SFMBT2: variants seen among roughly 807,000 people sequenced by gnomAD.
SFMBT2 encodes the protein scm-like with four MBT domains protein 2.
In SFMBT2, 38 loss-of-function variants were observed where a neutral mutation model predicts 110.1. That is an observed-to-expected ratio of 0.35 (90% CI 0.27 to 0.45). The LOEUF is 0.45. Ranked by LOEUF, SFMBT2 falls within the 20% of genes least tolerant of loss-of-function variation. The pLI is 1.00. For synonymous variants in SFMBT2, 425 were observed against 425.4 expected, an observed-to-expected ratio of 1.00 and a Z score of 0.01; for missense variants, 1,011 against 1,094.9, an observed-to-expected ratio of 0.92 and a Z score of 1.08.
chr10:7,210,045 TCA>T (rs1186183701), intron 11 of SFMBT2, among the ~76,000 whole-genome samples: 1 of 152,244 alleles, frequency 6.6e-6, no homozygotes, highest in African/African-American at 2.4e-5. Flanking sequence ...CTTTCCGTAC[TCA>T]CAATCTAAAT....
rs867380701 is a variant in SFMBT2 at position 7,367,445 on chromosome 10, T to C, written c.436+204A>G. 6.6e-5 allele frequency among the ~76,000 whole-genome samples: 10 copies of C among 152,204 alleles called. No homozygotes were observed. The South Asian group carries it at 1.7e-3, about 25-fold the overall frequency. On this transcript the variant is annotated intron_variant, in intron 4 of 20. Coordinates refer to ENST00000397167, the MANE Select transcript of SFMBT2 (RefSeq NM_001387889.1). The surrounding 1 kb of genome is among the most constrained non-coding windows in gnomAD (Gnocchi z 6.2). ...TTCCGAAAAGCCAAGTTTGGCTCCA[T>C]TGTCAGCACCAGCTCTGACATCTGA...
chr10:7,244,945 C>T (rs1840561617), intron 8 of SFMBT2, among the ~76,000 whole-genome samples: 1 of 152,146 alleles, frequency 6.6e-6, no homozygotes, highest in South Asian at 2.1e-4. Flanking sequence ...GAATCTCATC[C>T]TCCCACCACC....
At chr10:7,298,226 G>C (rs1348034207) in intron 4 of SFMBT2, among the ~76,000 whole-genome samples, 2 of 152,222 alleles carry the variant, frequency 1.3e-5, no homozygotes, top group Non-Finnish European at 2.9e-5. Context: ...CAGAAGAATG[G>C]TCAACACACT....
intron 14 of SFMBT2, among the ~76,000 whole-genome samples, chr10:7,199,637 C>T (rs1038907555): frequency 1.3e-5 from 2 of 152,202 alleles, no homozygotes; most frequent in Non-Finnish European, 2.9e-5. Context: ...TCCACAGCTG[C>T]ATTTACATGG....
At chr10:7,354,113 A>G (rs1457446867) in intron 4 of SFMBT2, among the ~76,000 whole-genome samples, 1 of 151,566 alleles carries the variant, frequency 6.6e-6, no homozygotes, top group Non-Finnish European at 1.5e-5. Flanking sequence ...TAAATAAAAC[A>G]AAAAAATAAA....
In SFMBT2 at chr10:7,387,067, C is replaced by T. The variant is rs182861069; in HGVS notation, c.-51-5118G>A. Among the ~76,000 whole-genome samples the T allele has an allele frequency of 7.5e-3, 1,139 of 152,212 alleles. 9 individuals are homozygous for T. Among genetic ancestry groups the T allele is most frequent in the Non-Finnish European group, 0.012 (828 of 68,002 alleles). On this transcript the variant is annotated intron_variant, in intron 1 of 20. Transcript: ENST00000397167. The stretch of plus-strand genomic sequence containing the variant: ...ACTTTTATATTTTTACTTAAATCAT[C>T]GATTTTTAATAACTGAGCACCTATT...
chr10:7,241,596 G>C (rs1840431770), intron 9 of SFMBT2, among the ~76,000 whole-genome samples: 1 of 151,980 alleles, frequency 6.6e-6, no homozygotes, highest in African/African-American at 2.4e-5. Flanking sequence ...TGTATAAAAA[G>C]CTTAAAATAT....
At chr10:7,348,193 G>C in intron 4 of SFMBT2, 1 of 955,174 alleles carries the variant, frequency 1.0e-6, no homozygotes, top group Non-Finnish European at 1.5e-6. Context: ...GGTTTGGGTT[G>C]GTTTATGTTT....
intron 7 of SFMBT2, among the ~76,000 whole-genome samples, chr10:7,250,820 C>T (rs1840781685): frequency 6.6e-6 from 1 of 152,086 alleles, no homozygotes; most frequent in Admixed American, 6.6e-5. Context: ...GATTTCAAAA[C>T]ATTTATTTTT....
chr10:7,371,031 T>C (rs1277243971), intron 2 of SFMBT2, among the ~76,000 whole-genome samples: 1 of 152,210 alleles, frequency 6.6e-6, no homozygotes, highest in African/African-American at 2.4e-5. Context: ...ACAGTGCATG[T>C]GTTTCTCCAA....
At chr10:7,370,461 C>A in intron 2 of SFMBT2, 86 bp from the exon 3 acceptor site, 1 of 1,109,370 alleles carries the variant, frequency 9.0e-7, no homozygotes, top group South Asian at 1.3e-5. Context: ...GAAAATCCTT[C>A]ATACAAGACA....
intron 6 of SFMBT2, 127 bp from the exon 7 acceptor site, chr10:7,277,116 C>G (rs4338435): frequency 0.57 from 363,467 of 633,544 alleles, 106,905 homozygotes; most frequent in East Asian, 0.77. Flanking sequence ...AGTGTTCACA[C>G]CCCATACCCA....
intron 9 of SFMBT2, among the ~76,000 whole-genome samples, chr10:7,233,552 A>C (rs1840171783): frequency 6.6e-6 from 1 of 152,220 alleles, no homozygotes; most frequent in South Asian, 2.1e-4. Context: ...CTTGGAAAGG[A>C]AAAGTGATAC....
At chr10:7,217,481 G>A (rs564400781) in intron 11 of SFMBT2, among the ~76,000 whole-genome samples, 5 of 152,096 alleles carry the variant, frequency 3.3e-5, no homozygotes, top group Admixed American at 1.3e-4. Flanking sequence ...CATGTAAGTG[G>A]CGCGCATGTA....
In SFMBT2 at chr10:7,301,125, G is replaced by A. The variant is rs781183778; in HGVS notation, c.437-15171C>T. The stretch of plus-strand genomic sequence containing the variant: ...TGGCACCAGGGCCAGGATGCTTCCC[G>A]ATGGAGGCAGTTGAGAACCATGCCT... On this transcript the variant is annotated intron_variant, in intron 4 of 20. Coordinates refer to ENST00000397167, the MANE Select transcript of SFMBT2 (RefSeq NM_001387889.1). The surrounding 1 kb of genome is among the most constrained non-coding windows in gnomAD (Gnocchi z 4.2). Among the ~76,000 whole-genome samples the A allele has an allele frequency of 2.6e-5, 4 of 152,206 alleles. No homozygotes were observed. The highest frequency in any genetic ancestry group is 2.1e-4 in the South Asian group (1 of 4,830).
intron 3 of SFMBT2, among the ~76,000 whole-genome samples, chr10:7,369,938 C>A (rs186928989): frequency 3.3e-5 from 5 of 152,300 alleles, no homozygotes; most frequent in Non-Finnish European, 5.9e-5. Flanking sequence ...TGGCTCACTG[C>A]AATCTCCACC....
intron 8 of SFMBT2, among the ~76,000 whole-genome samples, chr10:7,246,623 G>A (rs978273569): frequency 6.7e-6 from 1 of 148,772 alleles, no homozygotes; most frequent in African/African-American, 2.5e-5. Context: ...GGAGGCTGAG[G>A]CAGGAGAATA....
intron 1 of SFMBT2, among the ~76,000 whole-genome samples, chr10:7,404,984 T>C (rs80354360): frequency 0.028 from 4,245 of 152,326 alleles, 93 homozygotes; most frequent in Non-Finnish European, 0.042. Context: ...TCTTACAGTC[T>C]TGTAAACATC....
At chr10:7,332,654 T>C (rs1791315821) in intron 4 of SFMBT2, among the ~76,000 whole-genome samples, 1 of 152,222 alleles carries the variant, frequency 6.6e-6, no homozygotes, top group East Asian at 1.9e-4. Flanking sequence ...TTGATTTCAT[T>C]CTCCTAGGAA....
Sources: gnomAD v4.1 joint callset for allele counts (sites outside exome capture counted in the v4.1 genomes callset) on GRCh38, gnomAD v4.1.1 for gene constraint, Gnocchi (gnomAD v3.1) non-coding constraint, MANE v1.5 for transcripts, NCBI Gene and HGNC (gene_info 2026-07-23, HGNC 2026-07-21) for gene names.